The following SLC27A1 variants were observed in gnomAD, a reference collection of about 807,000 sequenced individuals.
The protein encoded by SLC27A1 is long-chain fatty acid transport protein 1.
In SLC27A1, 61 loss-of-function variants were observed where a neutral mutation model predicts 62.2. The ratio of observed to expected loss-of-function variants is 0.98; its 90% CI spans 0.80 to 1.21. The LOEUF (loss-of-function observed/expected upper bound fraction) is 1.21, where lower values mean the gene tolerates loss of function less well. Among genes scored for constraint, SLC27A1 ranks in the 50% most tolerant of loss-of-function variants. The probability of loss-of-function intolerance (pLI) is 0.00; values close to 1 mark genes in which losing one functional copy is unlikely to be tolerated. For missense variants in SLC27A1, 903 were observed against 932.1 expected (o/e 0.97, Z 0.41); for synonymous variants, 435 against 408.6 (o/e 1.06, Z -0.78).
chr19:17,504,340 T>C, intron 11 of SLC27A1, 115 bp from the exon 12 acceptor site: 2 of 1,324,946 alleles, frequency 1.5e-6, no homozygotes, highest in East Asian at 2.3e-5. Flanking sequence ...GGGAAGAACA[T>C]TCCTGCCCAG....
intron 1 of SLC27A1, among the ~76,000 whole-genome samples, chr19:17,473,601 C>T (rs907991961): frequency 6.6e-6 from 1 of 152,310 alleles, no homozygotes. Context: ...GTGGCTCACA[C>T]CTGTAATCCC....
chr19:17,469,885 G>A (rs1407922976), upstream of SLC27A1, among the ~76,000 whole-genome samples: 1 of 149,474 alleles, frequency 6.7e-6, no homozygotes. Flanking sequence ...TCGGGAGGGT[G>A]GGGCGTGTGC....
intron 1 of SLC27A1, among the ~76,000 whole-genome samples, chr19:17,471,642 C>T (rs914693393): frequency 1.3e-5 from 2 of 152,090 alleles, no homozygotes; most frequent in Non-Finnish European, 2.9e-5. Context: ...CTTCACAGCT[C>T]CTTGTAAGAT....
At position 17,502,152 on chromosome 19, in the gene SLC27A1, C is replaced by T. The variant is rs151238858; in HGVS notation, c.1783+733C>T. Among the ~76,000 whole-genome samples the T allele has an allele frequency of 1.6e-3, 247 of 151,712 alleles. 3 individuals carry two copies. The highest frequency in any genetic ancestry group is 5.7e-3 in the African/African-American group (234 of 41,372). On this transcript the variant is annotated intron_variant, in intron 11 of 11. Coordinates refer to ENST00000252595, the MANE Select transcript of SLC27A1 (RefSeq NM_198580.3). ...AATAATTTCAACATGATTTTTGGTG[C>T]GGACAAACAAACCATATCCAAACCA...
chr19:17,486,770 C>T lies in SLC27A1; in HGVS notation c.375C>T (p.Phe125=), dbSNP rs1479473329. The T allele has an allele frequency of 1.9e-6, 3 of 1,605,834 alleles. No homozygotes were observed. The highest frequency in any genetic ancestry group is 1.7e-6 in the Non-Finnish European group (2 of 1,176,354). The part of the protein sequence containing the change: ...AVANLFRQLG[F]APGDVVAIFL... Reference sequence around the variant, plus strand: ...CCAACCTCTTCCGCCAGCTGGGCTTCGCGCCGGGCGACGTGGTGGCCATCT... The same window carrying T: ...CCAACCTCTTCCGCCAGCTGGGCTTTGCGCCGGGCGACGTGGTGGCCATCT... Residue 125 remains phenylalanine (F), a synonymous_variant, in exon 2 of 12, where the codon TTC becomes TTT. Coordinates refer to ENST00000252595, the MANE Select transcript of SLC27A1 (RefSeq NM_198580.3). The surrounding 1 kb of genome is among the most constrained non-coding windows in gnomAD (Gnocchi z 6.6).
In SLC27A1 at chr19:17,486,273, AAGG is replaced by A. The variant is rs1183104936; in HGVS notation, c.168-285_168-283del. On this transcript the variant is annotated intron_variant, in intron 1 of 11. Transcript: ENST00000252595. The surrounding 1 kb of genome is among the most constrained non-coding windows in gnomAD (Gnocchi z 6.6). ...TGCTCCAGACGTCGCAGGGGACAGA[AAGG>A]AGGATGGGTTCAGGCCCCAGCTCCC... Among the ~76,000 whole-genome samples the A allele has an allele frequency of 6.6e-6, 1 of 152,148 alleles. No homozygotes were observed. The highest frequency in any genetic ancestry group is 2.4e-5 in the African/African-American group (1 of 41,438).
In SLC27A1 at chr19:17,504,455, G is replaced by A. The variant is rs2075453329; in HGVS notation, c.1784G>A (p.Gly595Asp). The change falls in exon 12 of 12, where the codon GGC becomes GAC. Residue 595 changes from glycine to aspartate, a missense_variant and splice_region_variant. By Grantham distance (94) the Gly-to-Asp change is moderately conservative. Transcript: ENST00000252595. ...LRLLPQVDTT[G>D]TFKIQKTRLQ... is the part of the protein sequence containing the mutation. ...TATCTGCCCCCCATCCCCACTATAG[G>A]CACCTTCAAGATCCAGAAGACGAGG... The A allele has an allele frequency of 1.2e-6, 2 of 1,613,930 alleles. No homozygotes were observed. The highest frequency in any genetic ancestry group is 2.7e-5 in the African/African-American group (2 of 74,880).
At position 17,504,735 on chromosome 19, in the gene SLC27A1, C is replaced by G. The variant is rs745715850; in HGVS notation, c.*123C>G. ...CCTGGCCGAGCTGTACCTGGCACGG[C>G]CCATCCTGGACTGAGAAACTGGAAC... On this transcript the variant is annotated 3_prime_UTR_variant, in exon 12 of 12. Transcript: ENST00000252595. 7.7e-7 allele frequency: 1 copy of G among 1,306,434 alleles called. No homozygotes were observed. Among genetic ancestry groups the G allele is most frequent in the Non-Finnish European group, 1.1e-6 (1 of 931,888 alleles). 80.9% of individuals were successfully genotyped at this position (1,306,434 alleles called of 1,614,324 possible). A position where few individuals can be genotyped will look rare whatever the true frequency, so the allele number is the denominator to read the frequency against.
chr19:17,493,811 A>T (rs1422000603), intron 6 of SLC27A1, among the ~76,000 whole-genome samples: 2 of 151,790 alleles, frequency 1.3e-5, no homozygotes, highest in Non-Finnish European at 2.9e-5. Context: ...TTTTTAGTAG[A>T]GACGGGGTTT....
chr19:17,499,886 A>AGATCTCG, intron 7 of SLC27A1: 1 of 195,478 alleles, frequency 5.1e-6, no homozygotes, highest in East Asian at 1.4e-4. Flanking sequence ...GACAGGGTGT[A>AGATCTCG]GTGGCTCAAA....
chr19:17,482,234 G>A (rs937733354), intron 1 of SLC27A1, among the ~76,000 whole-genome samples: 8 of 152,154 alleles, frequency 5.3e-5, no homozygotes, highest in African/African-American at 1.9e-4. Flanking sequence ...GACTAGAAGT[G>A]CCCGCCGGGC....
intron 1 of SLC27A1, among the ~76,000 whole-genome samples, chr19:17,472,973 T>C (rs2075091092): frequency 6.6e-6 from 1 of 152,062 alleles, no homozygotes; most frequent in African/African-American, 2.4e-5. Flanking sequence ...TAATAGAATG[T>C]TTTTTATAGA....
intron 1 of SLC27A1, among the ~76,000 whole-genome samples, chr19:17,482,394 T>C (rs903797249): frequency 2.0e-5 from 3 of 152,126 alleles, no homozygotes; most frequent in Admixed American, 6.6e-5. Flanking sequence ...GGCTCATGCC[T>C]GTAATCCCAC....
Position 17,500,603 on chromosome 19 carries a change from T to G in SLC27A1, c.1442T>G (p.Phe481Cys). Residue 481 changes from phenylalanine to cysteine, a missense_variant, in exon 9 of 12, where the codon TTC (phenylalanine) becomes TGC (cysteine). Phe to Cys is a radical substitution (Grantham distance 205). Transcript: ENST00000252595. ...AGCAAGAAGATCGCCCACAGCGTCT[T>G]CAGCAAGGGCGACAGCGCCTACCTC... The part of the protein sequence containing the change: ...ATSKKIAHSV[F>C]SKGDSAYLSG... 1 of 1,613,790 alleles carries G rather than the reference T, an allele frequency of 6.2e-7. No individual in the cohort carries two copies. Among genetic ancestry groups the G allele is most frequent in the Non-Finnish European group, 8.5e-7 (1 of 1,179,982 alleles).
chr19:17,497,687 G>A, intron 7 of SLC27A1: 1 of 596,088 alleles, frequency 1.7e-6, no homozygotes, highest in Non-Finnish European at 3.0e-6. Context: ...TGTGGTCCTT[G>A]GGTCAGGAGA....
At position 17,500,896 on chromosome 19, in the gene SLC27A1, G is replaced by T. The variant is rs756807397; in HGVS notation, c.1636+20G>T. 6.3e-7 allele frequency: 1 copy of T among 1,595,308 alleles called. No homozygotes were observed. Among genetic ancestry groups the T allele is most frequent in the Non-Finnish European group, 8.5e-7 (1 of 1,173,354 alleles). On this transcript the variant is annotated intron_variant, in intron 10 of 11. Coordinates refer to ENST00000252595, the MANE Select transcript of SLC27A1 (RefSeq NM_198580.3). ...TTCCAGGCAAGCTGGGGTTGCAGGG[G>T]GTGGTCCTGAGGCATGGTCCTGAGG... is the stretch of plus-strand genomic sequence containing the variant.
At chr19:17,477,240 C>CTTGTTTTTTGTTTTTTTTTTTT (rs2075132323) in intron 1 of SLC27A1, among the ~76,000 whole-genome samples, 1 of 43,808 alleles carries the variant, frequency 2.3e-5, no homozygotes, top group Non-Finnish European at 4.0e-5. Context: ...ATGAGCAGCG[C>CTTGTTTTTTGTTTTTTTTTTTT]TTTTTTTTTT....
At chr19:17,495,283 A>ATT (rs71874067) in intron 6 of SLC27A1, 4,659 of 129,878 alleles carry the variant, frequency 0.036, 317 homozygotes, top group African/African-American at 0.12. Flanking sequence ...CCATGTGCCC[A>ATT]TTTTTTTTTT....
intron 1 of SLC27A1, among the ~76,000 whole-genome samples, chr19:17,475,364 G>C (rs1446379898): frequency 6.6e-6 from 1 of 152,102 alleles, no homozygotes; most frequent in Non-Finnish European, 1.5e-5. Context: ...AACATGATGA[G>C]ACTCCATCTC....
Sources: gnomAD v4.1 joint callset for allele counts (sites outside exome capture counted in the v4.1 genomes callset) on GRCh38, gnomAD v4.1.1 for gene constraint, Gnocchi (gnomAD v3.1) non-coding constraint, MANE v1.5 for transcripts, NCBI Gene and HGNC (gene_info 2026-07-23, HGNC 2026-07-21) for gene names.